Variants in SCAMP5 observed in about 807,000 individuals in gnomAD.
The protein encoded by SCAMP5 is secretory carrier membrane protein 5.
SCAMP5 carries 7 observed loss-of-function variants against 28.3 expected under a neutral mutation model. The ratio of observed to expected loss-of-function variants is 0.25; its 90% CI spans 0.14 to 0.46. The LOEUF is 0.46. Ranked by LOEUF, SCAMP5 falls within the 20% of genes least tolerant of loss-of-function variation. The pLI is 0.99. For missense variants in SCAMP5, 192 were observed against 312.5 expected, an observed-to-expected ratio of 0.61 and a Z score of 2.91; for synonymous variants, 117 against 116.4, an observed-to-expected ratio of 1.00 and a Z score of -0.03.
At position 75,019,074 on chromosome 15, in the gene SCAMP5, C is replaced by T. The variant is rs2065884414; in HGVS notation, c.*91C>T. 1 of 852,390 alleles carries T rather than the reference C, an allele frequency of 1.2e-6. No homozygotes were observed. The highest frequency in any genetic ancestry group is 1.8e-5 in the African/African-American group (1 of 56,266). The allele number at this position is 852,390 out of a possible 1,614,324, so 52.8% of individuals were successfully genotyped here. ...ATTTGTGGTTACCAAGCAGGGTTCC[C>T]CCTTCCCTTTTCTCCTTCCCTACTT... On this transcript the variant is annotated 3_prime_UTR_variant, in exon 7 of 7. Coordinates refer to ENST00000425597, the MANE Select transcript of SCAMP5 (RefSeq NM_138967.4).
chr15:75,015,926 A>C (rs2065855413), intron 3 of SCAMP5, among the ~76,000 whole-genome samples: 1 of 67,984 alleles, frequency 1.5e-5, no homozygotes, highest in Non-Finnish European at 2.9e-5. Flanking sequence ...ATTCCATCTC[A>C]AAAAAAAAAA....
At chr15:75,012,617 C>T (rs2065821952) in intron 2 of SCAMP5, 60 bp from the exon 3 acceptor site, 25 of 1,599,972 alleles carry the variant, frequency 1.6e-5, no homozygotes, top group South Asian at 3.3e-5. Context: ...GAAGGATGGG[C>T]GTCTTGGATT....
At chr15:75,006,766 C>A (rs2065764243) in intron 1 of SCAMP5, among the ~76,000 whole-genome samples, 2 of 143,080 alleles carry the variant, frequency 1.4e-5, no homozygotes, top group South Asian at 5.0e-4. Context: ...CAGAGCGAGA[C>A]TCCATCTCAA....
At position 75,019,169 on chromosome 15, in the gene SCAMP5, T is replaced by G; in HGVS notation, c.*186T>G. On this transcript the variant is annotated 3_prime_UTR_variant, in exon 7 of 7. Transcript: ENST00000425597. ...TGTACCCCAGCCCCCACCTTTCAGA[T>G]TCTGCTCTTGGCACTCAGCTGTGGG... The G allele has an allele frequency of 5.0e-6, 2 of 403,690 alleles. No homozygotes were observed. The highest frequency in any genetic ancestry group is 2.1e-5 in the African/African-American group (1 of 48,146). The allele number at this position is 403,690 out of a possible 1,614,324, so 25.0% of individuals were successfully genotyped here.
intron 3 of SCAMP5, among the ~76,000 whole-genome samples, chr15:75,014,741 G>A (rs2065844422): frequency 6.6e-6 from 1 of 152,196 alleles, no homozygotes; most frequent in African/African-American, 2.4e-5. Flanking sequence ...AGAGAGAGGG[G>A]CTGAGCTCAT....
chr15:75,014,432 C>T (rs1229630843), intron 3 of SCAMP5, among the ~76,000 whole-genome samples: 1 of 152,018 alleles, frequency 6.6e-6, no homozygotes, highest in African/African-American at 2.4e-5. Context: ...GGGCTCACAA[C>T]GAGGCCATGT....
intron 1 of SCAMP5, 80 bp from the exon 2 acceptor site, chr15:75,011,712 C>A: frequency 1.5e-6 from 1 of 675,848 alleles, no homozygotes; most frequent in Non-Finnish European, 2.6e-6. Flanking sequence ...GGGGAGCTTG[C>A]AGCCCAGATG....
chr15:75,012,593 C>T (rs2065821632), intron 2 of SCAMP5, 84 bp from the exon 3 acceptor site: 1 of 1,528,490 alleles, frequency 6.5e-7, no homozygotes, highest in Admixed American at 1.7e-5. Flanking sequence ...GCCAATGGGG[C>T]AGCACAGCCA....
Position 75,019,305 on chromosome 15 carries a change from C to T in SCAMP5, c.*322C>T. On this transcript the variant is annotated 3_prime_UTR_variant, in exon 7 of 7. Coordinates refer to ENST00000425597, the MANE Select transcript of SCAMP5 (RefSeq NM_138967.4). Reference sequence around the variant, plus strand: ...AGATGTGTGTTTAGAGCTAAACCAGCCCCCACCCCCACCCTCCACCTGCCC... The same window carrying T: ...AGATGTGTGTTTAGAGCTAAACCAGTCCCCACCCCCACCCTCCACCTGCCC... The T allele has an allele frequency of 5.9e-6, 1 of 170,042 alleles. No homozygotes were observed. The highest frequency in any genetic ancestry group is 1.2e-5 in the Non-Finnish European group (1 of 80,100). The allele number at this position is 170,042 out of a possible 1,614,324, so 10.5% of individuals were successfully genotyped here.
intron 3 of SCAMP5, among the ~76,000 whole-genome samples, chr15:75,015,455 G>C (rs78465131): frequency 0.12 from 17,575 of 151,970 alleles, 1,142 homozygotes; most frequent in Middle Eastern, 0.29. Context: ...GGGACAGAGG[G>C]GGGGGGGCCT....
chr15:75,011,956 C>A, intron 2 of SCAMP5, 110 bp downstream of exon 2: 1 of 836,776 alleles, frequency 1.2e-6, no homozygotes. Flanking sequence ...AGGTTCTTTC[C>A]ATCTTACTGT....
rs1595891778 is a variant in SCAMP5 at position 75,021,087 on chromosome 15, A to T, written c.*2104A>T. The T allele has an allele frequency of 6.6e-6, 1 of 151,748 alleles. No individual in the cohort carries two copies. The allele number at this position is 151,748 out of a possible 1,614,324, so 9.4% of individuals were successfully genotyped here. On this transcript the variant is annotated 3_prime_UTR_variant, in exon 7 of 7. Transcript: ENST00000425597. ...TAGCATCCATGACCTGTTGGATGTT[A>T]CCTCCAATCAGTTTCCTGTCCTACC... is the stretch of plus-strand genomic sequence containing the variant.
chr15:75,008,293 G>A (rs554119588), intron 1 of SCAMP5, among the ~76,000 whole-genome samples: 8 of 151,966 alleles, frequency 5.3e-5, no homozygotes, highest in South Asian at 4.2e-4. Flanking sequence ...TAGCCCTTCC[G>A]TTATGTAGGT....
rs550868731 is a variant in SCAMP5 at position 74,996,712 on chromosome 15, C to T, written c.-49+1039C>T. On this transcript the variant is annotated intron_variant, in intron 1 of 6. Transcript: ENST00000425597. The surrounding 1 kb of genome is among the most constrained non-coding windows in gnomAD (Gnocchi z 4.1). ...GTCTGGAGAAATTTGCAACCTGTCC[C>T]CTACATGTTCTGCCTCACGGAGCAG... Among the ~76,000 whole-genome samples, 1 of 152,178 alleles carries T rather than the reference C, an allele frequency of 6.6e-6. No individual in the cohort carries two copies. Among genetic ancestry groups the T allele is most frequent in the Non-Finnish European group, 1.5e-5 (1 of 68,034 alleles).
chr15:75,016,495 C>T (rs1350522976), intron 3 of SCAMP5, 98 bp from the exon 4 acceptor site: 11 of 1,127,650 alleles, frequency 9.8e-6, no homozygotes, highest in East Asian at 7.2e-5. Flanking sequence ...GTCTCTGTTG[C>T]GTTACTGGTG....
At chr15:75,002,323 A>G (rs1213983067) in intron 1 of SCAMP5, among the ~76,000 whole-genome samples, 1 of 151,716 alleles carries the variant, frequency 6.6e-6, no homozygotes, top group African/African-American at 2.4e-5. Context: ...TTTGTCTATC[A>G]GGTAACATCT....
chr15:74,998,605 CAAA>C (rs746618976), intron 1 of SCAMP5, among the ~76,000 whole-genome samples: 4 of 85,324 alleles, frequency 4.7e-5, no homozygotes, highest in African/African-American at 1.3e-4. Context: ...AACTCCATCT[CAAA>C]AAAAAAAAAA....
At chr15:75,006,238 C>T (rs2065757978) in intron 1 of SCAMP5, among the ~76,000 whole-genome samples, 1 of 151,292 alleles carries the variant, frequency 6.6e-6, no homozygotes, top group African/African-American at 2.4e-5. Flanking sequence ...ACCTTGTGAT[C>T]CTCCTGCCTC....
At position 75,017,848 on chromosome 15, in the gene SCAMP5, G is replaced by T. The variant is rs765919114; in HGVS notation, c.294-22G>T. On this transcript the variant is annotated intron_variant, in intron 4 of 6. Transcript: ENST00000425597. ...GCCCTGGCCCTCTGCCCAGGTGACG[G>T]GAGCCACCTCCTCTGCCGCAGGACT... The T allele has an allele frequency of 1.9e-6, 3 of 1,553,062 alleles. No homozygotes were observed. The East Asian group carries it at 6.7e-5, about 35-fold the overall frequency.
Sources: gnomAD v4.1 joint callset for allele counts (sites outside exome capture counted in the v4.1 genomes callset) on GRCh38, gnomAD v4.1.1 for gene constraint, Gnocchi (gnomAD v3.1) non-coding constraint, MANE v1.5 for transcripts, NCBI Gene and HGNC (gene_info 2026-07-23, HGNC 2026-07-21) for gene names.